The following FAM114A2 variants were observed in gnomAD, a reference collection of about 807,000 sequenced individuals.
The protein encoded by FAM114A2 is protein FAM114A2.
In FAM114A2, 53 loss-of-function variants were observed where a neutral mutation model predicts 58.4. The ratio of observed to expected loss-of-function variants is 0.91; its 90% CI spans 0.73 to 1.14. The LOEUF (loss-of-function observed/expected upper bound fraction) is 1.14. Ranked by LOEUF, FAM114A2 falls within the 50% of genes most tolerant of loss-of-function variation. FAM114A2 has a pLI of 0.00. For missense variants in FAM114A2, 601 were observed against 581.1 expected, an observed-to-expected ratio of 1.03 and a Z score of -0.35; for synonymous variants, 228 against 211.4, an observed-to-expected ratio of 1.08 and a Z score of -0.68.
In FAM114A2 at chr5:153,994,013, C is replaced by T. The variant is rs1016658331; in HGVS notation, c.1384-903G>A. ...AAATCAAGGAAGATCCAGGGCAACA[C>T]GGGGCTCCTGGTTTACAAAGTCTTT... On this transcript the variant is annotated intron_variant, in intron 13 of 13. Coordinates refer to ENST00000351797, the MANE Select transcript of FAM114A2 (RefSeq NM_018691.4). 5.9e-5 allele frequency among the ~76,000 whole-genome samples: 9 copies of T among 152,158 alleles called. No individual in the cohort carries two copies. The East Asian group carries it at 7.7e-4, about 13-fold the overall frequency.
At chr5:154,027,861 T>G (rs1322227205) in intron 6 of FAM114A2, among the ~76,000 whole-genome samples, 3 of 152,028 alleles carry the variant, frequency 2.0e-5, no homozygotes, top group African/African-American at 7.2e-5. Context: ...TCTCTGAAAG[T>G]GATTTAAACA....
rs373121338 is a variant in FAM114A2 at position 153,997,852 on chromosome 5, T to C, written c.1280A>G (p.Glu427Gly). 9 of 1,604,210 alleles carry C rather than the reference T, an allele frequency of 5.6e-6. No homozygotes were observed. Among genetic ancestry groups the C allele is most frequent in the Non-Finnish European group, 6.0e-6 (7 of 1,171,614 alleles). Reference protein sequence around the residue: ...LSQMTIVLCKELSSLSKEFTT... With the variant: ...LSQMTIVLCKGLSSLSKEFTT... ...GAACTCTTTAGACAGAGAGGACAACTCTTTACACAACACAATTGTCATCCT... is the reference window on the plus strand; with the variant it reads ...GAACTCTTTAGACAGAGAGGACAACCCTTTACACAACACAATTGTCATCCT... Residue 427 changes from glutamate (E) to glycine (G), a missense_variant, in exon 12 of 14, where the codon GAG becomes GGG. Physicochemically the swap from Glu to Gly is moderately conservative, Grantham distance 98 (BLOSUM62 -2). Coordinates refer to ENST00000351797, the MANE Select transcript of FAM114A2 (RefSeq NM_018691.4).
At chr5:153,999,487 T>C (rs367997252) in intron 11 of FAM114A2, among the ~76,000 whole-genome samples, 56 of 152,024 alleles carry the variant, frequency 3.7e-4, no homozygotes, top group African/African-American at 1.3e-3. Flanking sequence ...ATACAAAAAT[T>C]AGCTGGGCAT....
At chr5:154,003,282 GA>G (rs1334270102) in intron 9 of FAM114A2, among the ~76,000 whole-genome samples, 1 of 151,402 alleles carries the variant, frequency 6.6e-6, no homozygotes, top group Admixed American at 6.6e-5. Context: ...GGGTCCAAGC[GA>G]TTCTCCTGCC....
At chr5:154,032,363 T>C (rs779088103) in intron 4 of FAM114A2, among the ~76,000 whole-genome samples, 28 of 152,338 alleles carry the variant, frequency 1.8e-4, no homozygotes, top group African/African-American at 6.3e-4. Context: ...CTGACTCTTT[T>C]CTGGATTCAC....
chr5:154,005,164 C>A (rs1477328801), intron 9 of FAM114A2, among the ~76,000 whole-genome samples: 3 of 152,130 alleles, frequency 2.0e-5, no homozygotes, highest in Non-Finnish European at 2.9e-5. Context: ...CACCCAGTGT[C>A]CAGCACACTG....
chr5:154,037,560 G>A (rs1000295052), intron 1 of FAM114A2, among the ~76,000 whole-genome samples: 2 of 152,160 alleles, frequency 1.3e-5, no homozygotes, highest in Admixed American at 1.3e-4. Flanking sequence ...TTGTGTATAT[G>A]AATAAATGTT....
intron 6 of FAM114A2, 192 bp from the exon 7 acceptor site, chr5:154,027,526 A>G (rs1399577783): frequency 2.3e-6 from 1 of 437,520 alleles, no homozygotes; most frequent in African/African-American, 2.0e-5. Flanking sequence ...TTTGAGACGG[A>G]GTTTCACTCT....
At chr5:154,003,747 T>C (rs1027639938) in intron 9 of FAM114A2, among the ~76,000 whole-genome samples, 2 of 152,208 alleles carry the variant, frequency 1.3e-5, no homozygotes, top group Admixed American at 1.3e-4. Context: ...AATAGAAATA[T>C]AAGTTCATTC....
intron 8 of FAM114A2, among the ~76,000 whole-genome samples, chr5:154,015,705 A>G (rs1415843112): frequency 6.6e-6 from 1 of 152,130 alleles, no homozygotes; most frequent in Non-Finnish European, 1.5e-5. Flanking sequence ...TAATATGACA[A>G]AACAAGGTTC....
At chr5:154,026,582 A>G in intron 7 of FAM114A2, 60 bp from the exon 8 acceptor site, 2 of 1,187,100 alleles carry the variant, frequency 1.7e-6, no homozygotes, top group Non-Finnish European at 2.3e-6. Flanking sequence ...AACATTCACA[A>G]ATAGGGAAGA....
chr5:154,013,787 T>G (rs974440774), intron 8 of FAM114A2, among the ~76,000 whole-genome samples: 2 of 152,328 alleles, frequency 1.3e-5, no homozygotes, highest in Non-Finnish European at 2.9e-5. Context: ...AAATCAAAAT[T>G]AATTTCTTGG....
intron 4 of FAM114A2, among the ~76,000 whole-genome samples, chr5:154,031,571 A>T (rs1043971637): frequency 1.3e-5 from 2 of 152,184 alleles, no homozygotes. Context: ...TTTAGTATCA[A>T]AAGGCAGTCC....
At chr5:154,015,590 G>A in intron 8 of FAM114A2, among the ~76,000 whole-genome samples, 1 of 152,108 alleles carries the variant, frequency 6.6e-6, no homozygotes, top group East Asian at 1.9e-4. Context: ...CTACGTCAAG[G>A]AAATACCCCA....
rs1219166909 is a variant in FAM114A2, at chr5:153,992,492, T to A, written c.*484A>T. On this transcript the variant is annotated 3_prime_UTR_variant, in exon 14 of 14. Coordinates refer to ENST00000351797, the MANE Select transcript of FAM114A2 (RefSeq NM_018691.4). ...GGGTAATCATCACAGAGTTTACATA[T>A]GCTCAGTTTTCTTAAAGCCATAGAT... is the stretch of plus-strand genomic sequence containing the variant. The A allele has an allele frequency of 6.6e-6, 1 of 152,586 alleles. No homozygotes were observed. Among genetic ancestry groups the A allele is most frequent in the Non-Finnish European group, 1.5e-5 (1 of 68,316 alleles). The allele number at this position is 152,586 out of a possible 1,614,324, so 9.5% of individuals were successfully genotyped here.
chr5:153,997,826 T>C lies in FAM114A2; in HGVS notation c.1306A>G (p.Thr436Ala). Residue 436 changes from threonine to alanine, a missense_variant, in exon 12 of 14, where the codon ACT becomes GCT. Transcript: ENST00000351797. Reference sequence around the variant, plus strand: ...ACCCCAGCAGTTGTTAGGCAGGTAGTGAACTCTTTAGACAGAGAGGACAAC... The same window carrying C: ...ACCCCAGCAGTTGTTAGGCAGGTAGCGAACTCTTTAGACAGAGAGGACAAC... Reference protein sequence around the residue: ...KELSSLSKEFTTCLTTAGVKE... With the variant: ...KELSSLSKEFATCLTTAGVKE... The C allele has an allele frequency of 6.3e-7, 1 of 1,599,470 alleles. No homozygotes were observed. Among genetic ancestry groups the C allele is most frequent in the Non-Finnish European group, 8.6e-7 (1 of 1,166,810 alleles).
In FAM114A2 at chr5:154,034,984, C is replaced by CT; in HGVS notation, c.-14-18_-14-17insA. On this transcript the variant is annotated splice_polypyrimidine_tract_variant and intron_variant, in intron 1 of 13. Transcript: ENST00000351797. ...GAACATCAGCTGGTAAAATGAAAGC[C>CT]CAAAAAAAATTTATATAGGCTTCTT... The CT allele has an allele frequency of 6.7e-7, 1 of 1,491,628 alleles. No individual in the cohort carries two copies. The highest frequency in any genetic ancestry group is 9.0e-7 in the Non-Finnish European group (1 of 1,110,726). 92.4% of individuals were successfully genotyped at this position (1,491,628 alleles called of 1,614,324 possible).
In FAM114A2 at chr5:154,026,515, G is replaced by T. The variant is rs755927479; in HGVS notation, c.797C>A (p.Ser266Tyr). 7 of 1,503,382 alleles carry T rather than the reference G, an allele frequency of 4.7e-6. No homozygotes were observed. Among genetic ancestry groups the T allele is most frequent in the Non-Finnish European group, 5.3e-6 (6 of 1,127,038 alleles). 93.1% of individuals were successfully genotyped at this position (1,503,382 alleles called of 1,614,324 possible). A position where few individuals can be genotyped will look rare whatever the true frequency, so the allele number is the denominator to read the frequency against. The part of the protein sequence containing the change: ...LSQESEIKVK[S>Y]ILNSLSGEEL... ...TTCTCCACTCAGAGAATTAAGGATAGATTTCACCTGAATGGATACAAGAAC... is the reference window on the plus strand; with the variant it reads ...TTCTCCACTCAGAGAATTAAGGATATATTTCACCTGAATGGATACAAGAAC... The change falls in exon 8 of 14, where the codon TCT becomes TAT. Residue 266 changes from serine (S) to tyrosine (Y), a missense_variant. Physicochemically the swap from Ser to Tyr is moderately radical, Grantham distance 144. Coordinates refer to ENST00000351797, the MANE Select transcript of FAM114A2 (RefSeq NM_018691.4).
chr5:154,038,897 T>C lies in FAM114A2; in HGVS notation c.-55A>G, dbSNP rs928686456. The stretch of plus-strand genomic sequence containing the variant: ...CCTCAGCACAGCCACGGCAGCCGAC[T>C]CGGCGTTCCTACTGCCCCGGAAGTG... On this transcript the variant is annotated 5_prime_UTR_variant, in exon 1 of 14. Coordinates refer to ENST00000351797, the MANE Select transcript of FAM114A2 (RefSeq NM_018691.4). The C allele has an allele frequency of 1.3e-5, 2 of 152,430 alleles. No homozygotes were observed. Among genetic ancestry groups the C allele is most frequent in the Non-Finnish European group, 2.9e-5 (2 of 68,274 alleles). 9.4% of individuals were successfully genotyped at this position (152,430 alleles called of 1,614,324 possible). A position where few individuals can be genotyped will look rare whatever the true frequency, so the allele number is the denominator to read the frequency against.
Sources: allele counts gnomAD v4.1 joint callset (sites outside exome capture counted in the v4.1 genomes callset), GRCh38; gene constraint gnomAD v4.1.1; transcripts MANE v1.5; gene names NCBI Gene and HGNC (gene_info 2026-07-23, HGNC 2026-07-21).